The following ARHGAP31 variants were observed in gnomAD, a reference collection of about 807,000 sequenced individuals.
ARHGAP31 encodes the protein rho GTPase-activating protein 31.
A neutral mutation model predicts 113.9 loss-of-function variants in ARHGAP31; 34 were observed. The ratio of observed to expected loss-of-function variants is 0.30; its 90% CI spans 0.23 to 0.40. The LOEUF is 0.40. Ranked by LOEUF, ARHGAP31 falls within the 10% of genes least tolerant of loss-of-function variation. ARHGAP31 has a pLI of 1.00. For missense variants in ARHGAP31, 1,548 were observed against 1,767.1 expected (o/e 0.88, Z 2.22); for synonymous variants, 650 against 684.8 (o/e 0.95, Z 0.79).
chr3:119,401,128 G>A (rs1029476517), intron 9 of ARHGAP31, among the ~76,000 whole-genome samples: 10 of 146,556 alleles, frequency 6.8e-5, no homozygotes, highest in East Asian at 4.0e-4. Flanking sequence ...CCGAGATCAC[G>A]ACACTGCACT....
Position 119,294,994 on chromosome 3 carries a change from G to T in ARHGAP31, c.90G>T (p.Ser30=). The change falls in exon 1 of 12, where the codon TCG becomes TCT. Residue 30 remains serine, a synonymous_variant. Coordinates refer to ENST00000264245, the MANE Select transcript of ARHGAP31 (RefSeq NM_020754.4). Reference sequence around the variant, plus strand: ...ACCTGACGGAGTATCTGGAAAGCTCGGGACAGGATGGTAATGTGCCTTGGC... The same window carrying T: ...ACCTGACGGAGTATCTGGAAAGCTCTGGACAGGATGGTAATGTGCCTTGGC... ...GCDLTEYLES[S]GQDVPYVLKS... 1 of 1,614,132 alleles carries T rather than the reference G, an allele frequency of 6.2e-7. No individual in the cohort carries two copies. The highest frequency in any genetic ancestry group is 8.5e-7 in the Non-Finnish European group (1 of 1,180,018).
chr3:119,298,521 G>A (rs2079552893), intron 1 of ARHGAP31: 5 of 152,206 alleles, frequency 3.3e-5, no homozygotes, highest in Admixed American at 2.0e-4. Context: ...GGAGCCAAGA[G>A]ACAAGTAAGA....
At position 119,358,299 on chromosome 3, in the gene ARHGAP31, A is replaced by G. The variant is rs184565263; in HGVS notation, c.101-7017A>G. On this transcript the variant is annotated intron_variant, in intron 1 of 11. Transcript: ENST00000264245. ...TCAGGGAAATGCAAACCAAACTGCA[A>G]TGATACCACTTCACAACTACTAGGA... Among the ~76,000 whole-genome samples the G allele has an allele frequency of 1.5e-3, 224 of 152,376 alleles. 1 individual carries two copies. Among genetic ancestry groups the G allele is most frequent in the African/African-American group, 4.8e-3 (200 of 41,590 alleles).
chr3:119,366,465 A>G (rs1237759349), intron 2 of ARHGAP31, among the ~76,000 whole-genome samples: 7 of 152,142 alleles, frequency 4.6e-5, no homozygotes, highest in Non-Finnish European at 1.0e-4. Flanking sequence ...GTTAAAAAAA[A>G]TAATTGGTTT....
chr3:119,383,378 G>C (rs563198525), intron 6 of ARHGAP31, 152 bp downstream of exon 6: 12 of 1,022,948 alleles, frequency 1.2e-5, no homozygotes, highest in Non-Finnish European at 1.5e-5. Flanking sequence ...TCTGAGGATC[G>C]TGCATATATA....
intron 1 of ARHGAP31, among the ~76,000 whole-genome samples, chr3:119,329,332 A>G (rs925765336): frequency 1.3e-4 from 20 of 152,192 alleles, no homozygotes; most frequent in African/African-American, 4.8e-4. Context: ...ATGCCATTTC[A>G]TGACCAGAAC....
chr3:119,309,016 A>G (rs1331922249), intron 1 of ARHGAP31, among the ~76,000 whole-genome samples: 1 of 151,886 alleles, frequency 6.6e-6, no homozygotes, highest in Admixed American at 6.6e-5. Context: ...TAATTTCTGT[A>G]TTGTTTGTAG....
At chr3:119,390,464 T>A (rs1477555162) in intron 6 of ARHGAP31, among the ~76,000 whole-genome samples, 1 of 152,176 alleles carries the variant, frequency 6.6e-6, no homozygotes, top group East Asian at 1.9e-4. Context: ...CTCATTGTTG[T>A]CACTCTGGCT....
At position 119,415,005 on chromosome 3, in the gene ARHGAP31, A is replaced by C. The variant is rs202018879; in HGVS notation, c.3076A>C (p.Ser1026Arg). Residue 1026 changes from serine to arginine, a missense_variant, in exon 12 of 12, where the codon AGT becomes CGT. Physicochemically the swap from Ser to Arg is moderately radical, Grantham distance 110. Transcript: ENST00000264245. ...GGCTCCTCCCAACCAGAAGGGACCA[A>C]GTGGTGTGCAACCCAACCCAGCAGA... Reference protein sequence around the residue: ...AEAPPNQKGPSGVQPNPAETS... With the variant: ...AEAPPNQKGPRGVQPNPAETS... 1.5e-5 allele frequency: 25 copies of C among 1,614,196 alleles called. No homozygotes were observed. The highest frequency in any genetic ancestry group is 1.9e-5 in the Non-Finnish European group (23 of 1,180,028).
intron 1 of ARHGAP31, among the ~76,000 whole-genome samples, chr3:119,337,269 C>T (rs889758091): frequency 2.6e-5 from 4 of 152,188 alleles, no homozygotes; most frequent in Admixed American, 2.6e-4. Flanking sequence ...CATGGTCTTA[C>T]AGACGTCAGG....
Position 119,416,025 on chromosome 3 carries a change from G to A in ARHGAP31, c.4096G>A (p.Val1366Met), listed in dbSNP as rs3796360. ...IMDHLPPSST[V>M]TDSKVLLSPI... ...GGACCACCTGCCCCCTTCATCCACAGTGACAGATTCCAAGGTCCTGCTGTC... is the reference window on the plus strand; with the variant it reads ...GGACCACCTGCCCCCTTCATCCACAATGACAGATTCCAAGGTCCTGCTGTC... Residue 1366 changes from valine (V) to methionine (M), a missense_variant, in exon 12 of 12, where the codon GTG (valine) becomes ATG (methionine). Coordinates refer to ENST00000264245, the MANE Select transcript of ARHGAP31 (RefSeq NM_020754.4). 1,057 of 1,614,138 alleles carry A rather than the reference G, an allele frequency of 6.5e-4. 13 individuals are homozygous for A. The East Asian group carries it at 0.021, about 33-fold the overall frequency.
chr3:119,354,036 T>C (rs1229882852), intron 1 of ARHGAP31, among the ~76,000 whole-genome samples: 2 of 152,170 alleles, frequency 1.3e-5, no homozygotes, highest in Non-Finnish European at 2.9e-5. Flanking sequence ...GAGGAGGACC[T>C]GGACACCTCT....
rs1042751125 is a variant in ARHGAP31, at chr3:119,419,448, C to T, written c.*3184C>T. 4.3e-4 allele frequency: 65 copies of T among 152,130 alleles called. 1 individual carries two copies. Among genetic ancestry groups the T allele is most frequent in the Admixed American group, 4.1e-3 (63 of 15,266 alleles). 9.4% of individuals were successfully genotyped at this position (152,130 alleles called of 1,614,324 possible). ...ATATTGTCCAAGTCAAAAGTCTAGA[C>T]TCTGAGGACATTAAAAATGTAAATA... On this transcript the variant is annotated 3_prime_UTR_variant, in exon 12 of 12. Coordinates refer to ENST00000264245, the MANE Select transcript of ARHGAP31 (RefSeq NM_020754.4).
Position 119,389,219 on chromosome 3 carries a change from A to G in ARHGAP31, c.683-1566A>G, listed in dbSNP as rs373097953. Among the ~76,000 whole-genome samples, 162 of 152,158 alleles carry G rather than the reference A, an allele frequency of 1.1e-3. 1 individual carries two copies. In the South Asian group the frequency reaches 0.029, roughly 27 times the overall value. ...ACAAACAAACAAAAAAAACCATCTAATCAGAGACACTAAGCGGGCCTTAGT... is the reference window on the plus strand; with the variant it reads ...ACAAACAAACAAAAAAAACCATCTAGTCAGAGACACTAAGCGGGCCTTAGT... On this transcript the variant is annotated intron_variant, in intron 6 of 11. Coordinates refer to ENST00000264245, the MANE Select transcript of ARHGAP31 (RefSeq NM_020754.4).
Position 119,412,713 on chromosome 3 carries a change from A to G in ARHGAP31, c.1927-1143A>G, listed in dbSNP as rs1028531097. Among the ~76,000 whole-genome samples, 10 of 152,308 alleles carry G rather than the reference A, an allele frequency of 6.6e-5. No individual in the cohort carries two copies. The East Asian group carries it at 1.9e-3, about 29-fold the overall frequency. ...ATTCATATTTTTTTCCATGTGAAAT[A>G]TGTATTTCCTTGGTAATAAGAAAAA... On this transcript the variant is annotated intron_variant, in intron 11 of 11. Transcript: ENST00000264245.
chr3:119,338,754 G>T (rs2079981007), intron 1 of ARHGAP31, among the ~76,000 whole-genome samples: 1 of 152,172 alleles, frequency 6.6e-6, no homozygotes. Flanking sequence ...AATGATTGCT[G>T]TTATTGCATT....
chr3:119,365,270 G>C (rs746919758), intron 1 of ARHGAP31, 46 bp from the exon 2 acceptor site: 2 of 1,503,840 alleles, frequency 1.3e-6, no homozygotes, highest in Admixed American at 3.4e-5. Flanking sequence ...AAGACAGGCA[G>C]ACTTACATCT....
At chr3:119,356,986 T>A (rs2080164041) in intron 1 of ARHGAP31, among the ~76,000 whole-genome samples, 1 of 152,208 alleles carries the variant, frequency 6.6e-6, no homozygotes, top group South Asian at 2.1e-4. Flanking sequence ...CCTCCAGAGG[T>A]TGTATCAATC....
intron 4 of ARHGAP31, 70 bp downstream of exon 4, chr3:119,381,056 T>C: frequency 6.9e-7 from 1 of 1,458,086 alleles, no homozygotes; most frequent in Middle Eastern, 1.7e-4. Flanking sequence ...CAGGCTGGCA[T>C]CATGGAAAGG....
Sources: gnomAD v4.1 joint callset for allele counts (sites outside exome capture counted in the v4.1 genomes callset) on GRCh38, gnomAD v4.1.1 for gene constraint, MANE v1.5 for transcripts, NCBI Gene and HGNC (gene_info 2026-07-23, HGNC 2026-07-21) for gene names.